Variants in UBTD2 observed in about 807,000 individuals in gnomAD.
The protein encoded by UBTD2 is ubiquitin domain containing 2, also known as ubiquitin domain-containing protein 2.
Under a neutral mutation model 19.8 loss-of-function variants are expected in UBTD2, and 9 were observed. That is an observed-to-expected ratio of 0.46 (90% confidence interval 0.27 to 0.79). The LOEUF (loss-of-function observed/expected upper bound fraction) is 0.79. Ranked by LOEUF, UBTD2 falls within the 30% of genes least tolerant of loss-of-function variation. UBTD2 has a pLI of 0.14. For missense variants in UBTD2, 250 were observed against 300.4 expected (o/e 0.83, Z 1.24); for synonymous variants, 98 against 103.9 (o/e 0.94, Z 0.35).
chr5:172,280,478 G>A (rs1013597004), intron 1 of UBTD2, among the ~76,000 whole-genome samples: 2 of 139,750 alleles, frequency 1.4e-5, no homozygotes, highest in African/African-American at 2.7e-5. Context: ...CCACTGTACC[G>A]CAGCCTGGGC....
intron 1 of UBTD2, among the ~76,000 whole-genome samples, chr5:172,261,441 T>TTCAAG (rs1446645626): frequency 2.0e-5 from 3 of 152,214 alleles, no homozygotes; most frequent in Non-Finnish European, 4.4e-5. Context: ...AACTGCTAAA[T>TTCAAG]TCAAGTCAAG....
chr5:172,244,734 T>C (rs1460016832), intron 1 of UBTD2, among the ~76,000 whole-genome samples: 1 of 152,100 alleles, frequency 6.6e-6, no homozygotes, highest in East Asian at 1.9e-4. Flanking sequence ...TTGTATTCTT[T>C]TTTTCTTTTT....
chr5:172,270,002 A>T (rs1435804515), intron 1 of UBTD2, among the ~76,000 whole-genome samples: 1 of 151,324 alleles, frequency 6.6e-6, no homozygotes, highest in Admixed American at 6.6e-5. Context: ...GCTTGAACCC[A>T]GGAGGCAGAG....
intron 2 of UBTD2, 78 bp downstream of exon 2, chr5:172,234,044 C>A: frequency 7.0e-7 from 1 of 1,429,116 alleles, no homozygotes; most frequent in Non-Finnish European, 9.8e-7. Flanking sequence ...CAAGGAAAAA[C>A]ACTCTCCCAT....
At chr5:172,252,500 CA>C (rs1755044405) in intron 1 of UBTD2, 1 of 152,146 alleles carries the variant, frequency 6.6e-6, no homozygotes, top group Admixed American at 6.5e-5. Flanking sequence ...CTTTAGTGAC[CA>C]AACAAAATAA....
In UBTD2 at chr5:172,264,353, C is replaced by T. The variant is rs958771718; in HGVS notation, c.70+19243G>A. The stretch of plus-strand genomic sequence containing the variant: ...CTTGAGGTCAGAAGTTCAAGACCAG[C>T]CTGGTTAATGGTGAAACCCCATCTC... On this transcript the variant is annotated intron_variant, in intron 1 of 2. Coordinates refer to ENST00000393792, the MANE Select transcript of UBTD2 (RefSeq NM_152277.3). 5.3e-5 allele frequency among the ~76,000 whole-genome samples: 8 copies of T among 151,640 alleles called. No homozygotes were observed. In the East Asian group the frequency reaches 7.8e-4, roughly 15 times the overall value.
intron 1 of UBTD2, among the ~76,000 whole-genome samples, chr5:172,259,808 C>G (rs1178044158): frequency 6.6e-6 from 1 of 152,078 alleles, no homozygotes; most frequent in Non-Finnish European, 1.5e-5. Flanking sequence ...AATCTCAGCA[C>G]TTTGGGAGGC....
intron 2 of UBTD2, among the ~76,000 whole-genome samples, chr5:172,227,662 C>T (rs1241703018): frequency 3.4e-5 from 5 of 145,942 alleles, no homozygotes; most frequent in South Asian, 4.4e-4. Flanking sequence ...GGATTATAGG[C>T]GTGAGCCACC....
At chr5:172,268,906 T>A (rs1755428236) in intron 1 of UBTD2, among the ~76,000 whole-genome samples, 1 of 152,218 alleles carries the variant, frequency 6.6e-6, no homozygotes, top group Admixed American at 6.5e-5. Context: ...ATTTGGACTA[T>A]GGACTAGATC....
At chr5:172,237,955 T>G (rs1352573128) in intron 1 of UBTD2, among the ~76,000 whole-genome samples, 1 of 152,248 alleles carries the variant, frequency 6.6e-6, no homozygotes, top group Non-Finnish European at 1.5e-5. Flanking sequence ...CTGATTGTCA[T>G]GCACTTCCTG....
intron 1 of UBTD2, among the ~76,000 whole-genome samples, chr5:172,253,457 A>ATTTTTT (rs11292185): frequency 1.4e-5 from 2 of 145,878 alleles, no homozygotes; most frequent in Non-Finnish European, 3.0e-5. Context: ...AACCCTATCA[A>ATTTTTT]TTTTTTTTTT....
chr5:172,239,287 A>C (rs781697812), intron 1 of UBTD2, among the ~76,000 whole-genome samples: 2 of 152,304 alleles, frequency 1.3e-5, no homozygotes, highest in South Asian at 2.1e-4. Flanking sequence ...CACATGCCCA[A>C]ATTCAAAGTC....
At chr5:172,215,861 T>C (rs1244249500) in intron 2 of UBTD2, among the ~76,000 whole-genome samples, 3 of 152,164 alleles carry the variant, frequency 2.0e-5, no homozygotes, top group African/African-American at 4.8e-5. Context: ...CTGAGTTTGA[T>C]GATATCTCAG....
intron 1 of UBTD2, among the ~76,000 whole-genome samples, chr5:172,243,890 CCA>C (rs1187241088): frequency 1.3e-5 from 2 of 151,972 alleles, no homozygotes; most frequent in African/African-American, 4.8e-5. Context: ...CAGGATACGA[CCA>C]CAGAGTTATA....
intron 1 of UBTD2, among the ~76,000 whole-genome samples, chr5:172,253,811 T>A (rs915780100): frequency 6.6e-6 from 1 of 152,196 alleles, no homozygotes; most frequent in African/African-American, 2.4e-5. Context: ...GACATTCTTT[T>A]GAGGAATACA....
intron 2 of UBTD2, among the ~76,000 whole-genome samples, chr5:172,221,774 T>C (rs1234098759): frequency 6.6e-6 from 1 of 152,158 alleles, no homozygotes; most frequent in Non-Finnish European, 1.5e-5. Flanking sequence ...CTATTAATGA[T>C]GGATACATGT....
At chr5:172,254,316 T>A (rs1427994350) in intron 1 of UBTD2, 1 of 195,730 alleles carries the variant, frequency 5.1e-6, no homozygotes, top group Non-Finnish European at 1.0e-5. Context: ...GTCAGGCTGG[T>A]CTCGAACTCC....
chr5:172,265,824 G>T (rs1329444152), intron 1 of UBTD2, among the ~76,000 whole-genome samples: 2 of 152,072 alleles, frequency 1.3e-5, no homozygotes. Flanking sequence ...GGGGGAAGAC[G>T]GGAAGCATAT....
chr5:172,233,486 T>C (rs1771945344), intron 2 of UBTD2, among the ~76,000 whole-genome samples: 1 of 152,158 alleles, frequency 6.6e-6, no homozygotes, highest in South Asian at 2.1e-4. Context: ...GACCAGCATA[T>C]GTGTATCCCC....
Sources: gnomAD v4.1 joint callset for allele counts (sites outside exome capture counted in the v4.1 genomes callset) on GRCh38, gnomAD v4.1.1 for gene constraint, MANE v1.5 for transcripts, NCBI Gene and HGNC (gene_info 2026-07-23, HGNC 2026-07-21) for gene names.